LIMCH1: variants seen among roughly 807,000 people sequenced by gnomAD.
The protein encoded by LIMCH1 is LIM and calponin homology domains-containing protein 1.
In LIMCH1, 113 loss-of-function variants were observed where a neutral mutation model predicts 176.5. The observed-to-expected ratio is 0.64, with a 90% CI of 0.55 to 0.75. The LOEUF is 0.75. Ranked by LOEUF, LIMCH1 falls within the 30% of genes least tolerant of loss-of-function variation. The probability of loss-of-function intolerance (pLI) is 0.00; values close to 1 mark genes in which losing one functional copy is unlikely to be tolerated. For synonymous variants in LIMCH1, 619 were observed against 645.9 expected, an observed-to-expected ratio of 0.96 and a Z score of 0.63; for missense variants, 1,674 against 1,814.9, an observed-to-expected ratio of 0.92 and a Z score of 1.41.
At chr4:41,434,668 C>T (rs1582110072) in intron 1 of LIMCH1, among the ~76,000 whole-genome samples, 1 of 152,178 alleles carries the variant, frequency 6.6e-6, no homozygotes, top group Admixed American at 6.5e-5. Context: ...AGGTGCCCAC[C>T]CCCATGCCCG....
rs139090936 is a variant in LIMCH1, at chr4:41,523,885, C to T, written c.168-524C>T. Among the ~76,000 whole-genome samples, 34 of 152,300 alleles carry T rather than the reference C, an allele frequency of 2.2e-4. No homozygotes were observed. In the East Asian group the frequency reaches 5.4e-3, roughly 24 times the overall value. Reference sequence around the variant, plus strand: ...TATGATTGGCTAACCTCTTATTAAACACATTCTTCCCTTTTTAAAGTGAAA... The same window carrying T: ...TATGATTGGCTAACCTCTTATTAAATACATTCTTCCCTTTTTAAAGTGAAA... On this transcript the variant is annotated intron_variant, in intron 2 of 26. Transcript: ENST00000313860.
chr4:41,587,039 G>A (rs1373560729), intron 1 of LIMCH1, among the ~76,000 whole-genome samples: 4 of 152,216 alleles, frequency 2.6e-5, no homozygotes, highest in Non-Finnish European at 4.4e-5. Flanking sequence ...TTTGTAGTTG[G>A]TTCTCTTTGG....
chr4:41,670,404 T>A (rs938200648), intron 21 of LIMCH1, among the ~76,000 whole-genome samples: 10 of 152,210 alleles, frequency 6.6e-5, no homozygotes, highest in Admixed American at 3.3e-4. Context: ...ACATTTTTGT[T>A]CTTGCATAGT....
intron 1 of LIMCH1, among the ~76,000 whole-genome samples, chr4:41,457,789 A>G (rs1385921867): frequency 5.9e-5 from 9 of 152,182 alleles, no homozygotes; most frequent in African/African-American, 1.9e-4. Flanking sequence ...TTCAGAAAAC[A>G]TTTGCAAATC....
intron 1 of LIMCH1, among the ~76,000 whole-genome samples, chr4:41,364,622 T>TA (rs2052690234): frequency 6.6e-6 from 1 of 152,220 alleles, no homozygotes; most frequent in African/African-American, 2.4e-5. Context: ...ATCTTGGTAG[T>TA]CCATCAAAGC....
intron 1 of LIMCH1, among the ~76,000 whole-genome samples, chr4:41,458,380 G>A (rs773957050): frequency 1.2e-4 from 18 of 152,136 alleles, no homozygotes; most frequent in Non-Finnish European, 2.1e-4. Context: ...TAATTGAATA[G>A]GGGTGGAATA....
intron 1 of LIMCH1, among the ~76,000 whole-genome samples, chr4:41,454,699 C>T (rs951252373): frequency 4.6e-5 from 7 of 152,086 alleles, no homozygotes; most frequent in African/African-American, 1.2e-4. Flanking sequence ...AAAGCAGAGA[C>T]GCAAGCTATG....
At chr4:41,494,485 C>T in intron 1 of LIMCH1, 1 of 1,360,062 alleles carries the variant, frequency 7.4e-7, no homozygotes, top group Non-Finnish European at 1.0e-6. Flanking sequence ...GATTGGACTT[C>T]TTGATTAAAA....
At chr4:41,649,039 A>C (rs1392831699) in intron 17 of LIMCH1, among the ~76,000 whole-genome samples, 1 of 152,172 alleles carries the variant, frequency 6.6e-6, no homozygotes, top group Non-Finnish European at 1.5e-5. Context: ...TAAAAAGACC[A>C]GTGGCTTAAG....
chr4:41,555,377 A>G (rs1463578972), intron 1 of LIMCH1, among the ~76,000 whole-genome samples: 1 of 152,184 alleles, frequency 6.6e-6, no homozygotes, highest in Non-Finnish European at 1.5e-5. Flanking sequence ...TGGTATGCCT[A>G]TGTTAGAGCT....
Position 41,620,520 on chromosome 4 carries a change from T to C in LIMCH1, c.555T>C (p.Asp185=), listed in dbSNP as rs780649420. The C allele has an allele frequency of 6.5e-7, 1 of 1,536,384 alleles. No homozygotes were observed. The highest frequency in any genetic ancestry group is 1.2e-5 in the South Asian group (1 of 84,056). ...GQMNPGWKPS[D]GGCELPDGSG... ...TGAATCCTGGTTGGAAGCCTTCCGA[T>C]GGTGGGTGTGAATTACCTGACGGCA... is the stretch of plus-strand genomic sequence containing the variant. Residue 185 remains aspartate (D), a synonymous_variant, in exon 7 of 32, where the codon GAT becomes GAC. Transcript: ENST00000503057.
At position 41,543,780 on chromosome 4, in the gene LIMCH1, G is replaced by A. The variant is rs2078993038; in HGVS notation, c.-241+5430G>A. The stretch of plus-strand genomic sequence containing the variant: ...CGCCTCTGTGTTATACTTTTATGGA[G>A]CACATGTGGTGTGTATTTATTTTGT... On this transcript the variant is annotated intron_variant, in intron 1 of 31. Coordinates refer to ENST00000503057, the MANE Select transcript of LIMCH1 (RefSeq NM_001330672.2). 2.6e-5 allele frequency among the ~76,000 whole-genome samples: 4 copies of A among 152,252 alleles called. No homozygotes were observed. In the South Asian group the frequency reaches 8.3e-4, roughly 32 times the overall value.
At chr4:41,409,967 A>G (rs1411631925) in intron 1 of LIMCH1, among the ~76,000 whole-genome samples, 1 of 152,262 alleles carries the variant, frequency 6.6e-6, no homozygotes, top group Non-Finnish European at 1.5e-5. Flanking sequence ...AACAAAAGAG[A>G]AAAACATGCT....
intron 21 of LIMCH1, among the ~76,000 whole-genome samples, chr4:41,670,345 G>A (rs1333347653): frequency 6.6e-6 from 1 of 152,070 alleles, no homozygotes; most frequent in Non-Finnish European, 1.5e-5. Context: ...ACCCATCTTT[G>A]CTGCCTTTTA....
At chr4:41,446,129 G>C (rs1024153581) in intron 1 of LIMCH1, among the ~76,000 whole-genome samples, 1 of 152,144 alleles carries the variant, frequency 6.6e-6, no homozygotes, top group Non-Finnish European at 1.5e-5. Context: ...TGAAGATGAG[G>C]AGGATGATTG....
chr4:41,586,373 G>T (rs28497122), intron 1 of LIMCH1, among the ~76,000 whole-genome samples: 52,924 of 151,824 alleles, frequency 0.35, 14,782 homozygotes, highest in African/African-American at 0.78. Flanking sequence ...GCCTCCCAAA[G>T]TGCTAGGATT....
chr4:41,429,365 G>A (rs969494347), intron 1 of LIMCH1, among the ~76,000 whole-genome samples: 7 of 152,000 alleles, frequency 4.6e-5, no homozygotes, highest in African/African-American at 1.7e-4. Flanking sequence ...CATAGCCACC[G>A]AGTGAAGGGT....
intron 1 of LIMCH1, among the ~76,000 whole-genome samples, chr4:41,485,878 G>T (rs1416636144): frequency 6.6e-6 from 1 of 152,128 alleles, no homozygotes; most frequent in Non-Finnish European, 1.5e-5. Flanking sequence ...ACCTATGTAG[G>T]TGTAAGATGA....
intron 1 of LIMCH1, among the ~76,000 whole-genome samples, chr4:41,493,270 T>G (rs1041098264): frequency 6.6e-6 from 1 of 152,104 alleles, no homozygotes; most frequent in African/African-American, 2.4e-5. Flanking sequence ...CCCCTCTCCC[T>G]TTTTTGTTGC....
Sources: allele counts gnomAD v4.1 joint callset (sites outside exome capture counted in the v4.1 genomes callset), GRCh38; gene constraint gnomAD v4.1.1; transcripts MANE v1.5; gene names NCBI Gene and HGNC (gene_info 2026-07-23, HGNC 2026-07-21).